EPS15L1: variants seen among roughly 807,000 people sequenced by gnomAD.
EPS15L1 encodes the protein epidermal growth factor receptor pathway substrate 15 like 1, also known as epidermal growth factor receptor substrate 15-like 1.
Under a neutral mutation model 117.1 loss-of-function variants are expected in EPS15L1, and 43 were observed. That is an observed-to-expected ratio of 0.37 (90% confidence interval 0.29 to 0.47). EPS15L1 has a LOEUF of 0.47. EPS15L1 is among the 20% of genes least tolerant of loss of function. EPS15L1 has a pLI of 0.99. For missense variants in EPS15L1, 981 were observed against 1,164.0 expected (o/e 0.84, Z 2.29); for synonymous variants, 459 against 470.5 (o/e 0.98, Z 0.32).
At chr19:16,442,726 CACACTGACCAGCCCGCGCCCGGAGA>C (rs2093044427) in intron 1 of EPS15L1, among the ~76,000 whole-genome samples, 1 of 152,240 alleles carries the variant, frequency 6.6e-6, no homozygotes, top group Non-Finnish European at 1.5e-5. Flanking sequence ...CTCAGAGACG[CACACTGACCAGCCCGCGCCCGGAGA>C]GCGCTGGCCA....
intron 15 of EPS15L1, 80 bp downstream of exon 15, chr19:16,403,653 A>C: frequency 3.0e-6 from 4 of 1,318,484 alleles, no homozygotes; most frequent in Admixed American, 1.7e-5. Flanking sequence ...GTGAGAGCAA[A>C]GGAGTTCAGC....
At chr19:16,453,807 C>T (rs2093169360) in intron 1 of EPS15L1, among the ~76,000 whole-genome samples, 1 of 151,636 alleles carries the variant, frequency 6.6e-6, no homozygotes, top group Non-Finnish European at 1.5e-5. Context: ...GCAATACTCT[C>T]ATGTAACAAA....
intron 4 of EPS15L1, among the ~76,000 whole-genome samples, chr19:16,439,645 C>T (rs899270994): frequency 7.2e-5 from 11 of 152,172 alleles, no homozygotes; most frequent in South Asian, 2.1e-4. Flanking sequence ...AAGCAGTGAT[C>T]GCACCACTGC....
At chr19:16,393,077 TATAATAATAATAATAATAATAATAATA>T (rs149019261) in intron 18 of EPS15L1, among the ~76,000 whole-genome samples, 19 of 142,550 alleles carry the variant, frequency 1.3e-4, no homozygotes, top group East Asian at 4.1e-4. Context: ...AGGAGCTGGA[TATAATAATAATAATAATAATAATAATA>T]ATAATAATAA....
At chr19:16,442,856 C>T (rs1226559482) in intron 1 of EPS15L1, among the ~76,000 whole-genome samples, 1 of 152,224 alleles carries the variant, frequency 6.6e-6, no homozygotes, top group East Asian at 1.9e-4. Context: ...CCCAAGACAT[C>T]GCTGTTTGGA....
At chr19:16,384,731 G>A (rs889108666) in intron 21 of EPS15L1, among the ~76,000 whole-genome samples, 1 of 152,174 alleles carries the variant, frequency 6.6e-6, no homozygotes, top group African/African-American at 2.4e-5. Flanking sequence ...TCTGTCACAT[G>A]GGCGACTCTG....
chr19:16,405,189 C>T lies in EPS15L1; in HGVS notation c.1267-440G>A, dbSNP rs1421962091. On this transcript the variant is annotated intron_variant, in intron 13 of 23. Coordinates refer to ENST00000455140, the MANE Select transcript of EPS15L1 (RefSeq NM_001258374.3). The surrounding 1 kb of genome is among the most constrained non-coding windows in gnomAD (Gnocchi z 4.0). ...AAAGCAGCATTTAGGATGGGGCCAA[C>T]AGGTGAGCAGGTGCCAGGCAGGTGA... is the stretch of plus-strand genomic sequence containing the variant. 6.6e-6 allele frequency among the ~76,000 whole-genome samples: 1 copy of T among 152,190 alleles called. No homozygotes were observed. Among genetic ancestry groups the T allele is most frequent in the African/African-American group, 2.4e-5 (1 of 41,430 alleles).
chr19:16,375,180 G>A (rs755450097), intron 22 of EPS15L1, among the ~76,000 whole-genome samples: 1 of 152,222 alleles, frequency 6.6e-6, no homozygotes, highest in Non-Finnish European at 1.5e-5. Context: ...ATGGGAGAGT[G>A]CGTGTGTGCC....
chr19:16,372,730 C>A (rs914947351), intron 22 of EPS15L1, among the ~76,000 whole-genome samples: 1 of 152,370 alleles, frequency 6.6e-6, no homozygotes, highest in East Asian at 1.9e-4. Context: ...AGCACGTCAC[C>A]GTGCAAGGCG....
intron 17 of EPS15L1, 72 bp downstream of exon 17, chr19:16,395,272 T>A (rs1466184125): frequency 1.4e-6 from 2 of 1,477,210 alleles, no homozygotes; most frequent in Non-Finnish European, 9.2e-7. Flanking sequence ...ACTTTTCTAG[T>A]TGAAGAACCA....
At chr19:16,361,382 G>A (rs1271006645) in intron 23 of EPS15L1, among the ~76,000 whole-genome samples, 2 of 152,114 alleles carry the variant, frequency 1.3e-5, no homozygotes, top group East Asian at 3.8e-4. Flanking sequence ...GGCTTTTTGG[G>A]GACAGCAGAA....
intron 10 of EPS15L1, among the ~76,000 whole-genome samples, chr19:16,419,149 G>A (rs562726584): frequency 7.9e-5 from 12 of 152,328 alleles, no homozygotes; most frequent in African/African-American, 2.2e-4. Flanking sequence ...GAGAGGCTCC[G>A]CGACACTCAC....
Position 16,385,194 on chromosome 19 carries a change from C to T in EPS15L1, c.2182G>A (p.Asp728Asn), listed in dbSNP as rs1195229821. The T allele has an allele frequency of 1.2e-6, 2 of 1,614,010 alleles. No individual in the cohort carries two copies. The highest frequency in any genetic ancestry group is 1.7e-6 in the Non-Finnish European group (2 of 1,180,014). Residue 728 changes from aspartate (D) to asparagine (N), a missense_variant, in exon 21 of 24, where the codon GAT (aspartate) becomes AAT (asparagine). Around this residue, in one of 5 missense-constraint regions of EPS15L1, gnomAD observed 819 missense variants for 949.0 expected, o/e 0.86. Transcript: ENST00000455140. ...TTGAAGGACCCACTTCCGAAGGGAT[C>T]TAAGGTTCCAAAGGGATCTGCAATC... is the stretch of plus-strand genomic sequence containing the variant. ...SKGSDPFGTL[D>N]PFGSGSFNSA...
rs2092631742 is a variant in EPS15L1 at position 16,404,246 on chromosome 19, C to T, written c.1429-316G>A. 6.6e-6 allele frequency among the ~76,000 whole-genome samples: 1 copy of T among 152,182 alleles called. No homozygotes were observed. On this transcript the variant is annotated intron_variant, in intron 14 of 23. Transcript: ENST00000455140. This position sits in a 1 kb window ranked among gnomAD's most constrained non-coding sequence, Gnocchi z 4.2. ...TCATAGAGTTTTCTGAGGTTGCAGC[C>T]TCCGGGATCTGTGAGGAGCCTCAGA...
intron 7 of EPS15L1, 86 bp downstream of exon 7, chr19:16,434,279 G>A: frequency 6.6e-7 from 1 of 1,517,528 alleles, no homozygotes; most frequent in Admixed American, 2.0e-5. Flanking sequence ...CAAGAGCCTT[G>A]TAAGCACCAT....
chr19:16,373,848 A>T (rs970235143), intron 22 of EPS15L1, among the ~76,000 whole-genome samples: 1 of 152,238 alleles, frequency 6.6e-6, no homozygotes, highest in East Asian at 1.9e-4. Flanking sequence ...GTTAGAGGTT[A>T]GTACGGAATC....
chr19:16,409,824 G>A (rs1017060359), intron 13 of EPS15L1, among the ~76,000 whole-genome samples: 3 of 151,288 alleles, frequency 2.0e-5, no homozygotes, highest in Non-Finnish European at 4.4e-5. Flanking sequence ...TATAATCCCA[G>A]CTACTTGGGA....
At chr19:16,361,626 G>A (rs2092052401) in intron 23 of EPS15L1, 153 bp downstream of exon 23, 4 of 1,348,010 alleles carry the variant, frequency 3.0e-6, no homozygotes. Context: ...TACAGAAGTG[G>A]CAGTGTAGAA....
At chr19:16,386,130 C>T (rs1324437602) in intron 20 of EPS15L1, 41 bp downstream of exon 20, 4 of 1,509,724 alleles carry the variant, frequency 2.6e-6, no homozygotes, top group Non-Finnish European at 3.7e-6. Context: ...CTGCTACTGC[C>T]CAAGGAATAG....
Sources: allele counts gnomAD v4.1 joint callset (sites outside exome capture counted in the v4.1 genomes callset), GRCh38; gene constraint gnomAD v4.1.1; regional missense constraint gnomAD v4.1.1; non-coding constraint Gnocchi (gnomAD v3.1); transcripts MANE v1.5; gene names NCBI Gene and HGNC (gene_info 2026-07-23, HGNC 2026-07-21).